SMYD3: variants seen among roughly 807,000 people sequenced by gnomAD.
SMYD3 encodes histone-lysine N-methyltransferase SMYD3.
SMYD3 carries 36 observed loss-of-function variants against 57.7 expected under a neutral mutation model. That is an observed-to-expected ratio of 0.62 (90% CI 0.48 to 0.82). The LOEUF (loss-of-function observed/expected upper bound fraction) is 0.82. SMYD3 is among the 40% of genes least tolerant of loss of function. SMYD3 has a pLI of 0.00. For missense variants in SMYD3, 515 were observed against 538.8 expected, an observed-to-expected ratio of 0.96 and a Z score of 0.44; for synonymous variants, 211 against 195.0, an observed-to-expected ratio of 1.08 and a Z score of -0.68.
intron 5 of SMYD3, among the ~76,000 whole-genome samples, chr1:246,018,439 C>T (rs561363088): frequency 7.6e-4 from 116 of 152,294 alleles, no homozygotes; most frequent in South Asian, 2.1e-3. Flanking sequence ...ACTTGCTCTG[C>T]CTCATCTCAT....
chr1:246,276,663 C>A (rs375007270), intron 5 of SMYD3, among the ~76,000 whole-genome samples: 2 of 129,346 alleles, frequency 1.5e-5, no homozygotes, highest in African/African-American at 5.9e-5. Context: ...CTGATGCCCA[C>A]GTTTGAATAC....
chr1:246,210,674 C>T (rs1006498684), intron 5 of SMYD3, among the ~76,000 whole-genome samples: 4 of 142,202 alleles, frequency 2.8e-5, no homozygotes, highest in African/African-American at 7.6e-5. Context: ...TGTGCCACTG[C>T]ACTCCAGCCT....
intron 5 of SMYD3, among the ~76,000 whole-genome samples, chr1:246,023,024 G>C (rs1340108751): frequency 2.0e-5 from 3 of 152,130 alleles, no homozygotes; most frequent in Non-Finnish European, 4.4e-5. Flanking sequence ...CATCAATAAA[G>C]TATACCACCG....
chr1:246,160,294 T>C (rs1235340373), intron 5 of SMYD3, among the ~76,000 whole-genome samples: 1 of 152,234 alleles, frequency 6.6e-6, no homozygotes, highest in Non-Finnish European at 1.5e-5. Flanking sequence ...ACTCTATGTC[T>C]TTCTTTGCCT....
intron 8 of SMYD3, among the ~76,000 whole-genome samples, chr1:245,912,763 A>G (rs2055091379): frequency 6.6e-6 from 1 of 152,212 alleles, no homozygotes; most frequent in South Asian, 2.1e-4. Flanking sequence ...GGGAAAGGAC[A>G]CCTCTTCAAT....
intron 5 of SMYD3, among the ~76,000 whole-genome samples, chr1:246,095,805 G>C (rs1342439122): frequency 6.6e-6 from 1 of 152,212 alleles, no homozygotes; most frequent in Non-Finnish European, 1.5e-5. Flanking sequence ...GAGCTCAGGA[G>C]CTTGAGGCTG....
chr1:246,319,854 AG>A (rs1191861796), intron 5 of SMYD3, among the ~76,000 whole-genome samples: 1 of 152,248 alleles, frequency 6.6e-6, no homozygotes, highest in African/African-American at 2.4e-5. Flanking sequence ...ACTGTTCACC[AG>A]AGGATGAAAA....
intron 5 of SMYD3, among the ~76,000 whole-genome samples, chr1:246,125,479 C>A (rs2061495907): frequency 6.6e-6 from 1 of 152,030 alleles, no homozygotes. Context: ...CCAGGTCTTT[C>A]AGATACCTCT....
intron 5 of SMYD3, among the ~76,000 whole-genome samples, chr1:246,163,130 ACT>A (rs1354304384): frequency 6.6e-6 from 1 of 152,120 alleles, no homozygotes; most frequent in Non-Finnish European, 1.5e-5. Flanking sequence ...ATTTATTGTG[ACT>A]CTTACACTCA....
intron 1 of SMYD3, among the ~76,000 whole-genome samples, chr1:246,450,657 C>T (rs1024855718): frequency 6.6e-6 from 1 of 152,148 alleles, no homozygotes; most frequent in Non-Finnish European, 1.5e-5. Flanking sequence ...AAAAAGGAAT[C>T]ATATTCGACA....
chr1:245,859,835 G>T (rs10924363), intron 9 of SMYD3, among the ~76,000 whole-genome samples: 84,493 of 152,106 alleles, frequency 0.56, 26,654 homozygotes, highest in Non-Finnish European at 0.73. Context: ...AGATCTAATC[G>T]AGTCCTGTCA....
Position 245,824,074 on chromosome 1 carries a change from G to A in SMYD3, c.1076+34422C>T, listed in dbSNP as rs547711178. On this transcript the variant is annotated intron_variant, in intron 10 of 11. Transcript: ENST00000490107. ...CCCCTACTCACGACTGGAGAGTTGT[G>A]GCTTCTGCCCCCTTCAGTCACAGCT... Among the ~76,000 whole-genome samples, 148 of 152,262 alleles carry A rather than the reference G, an allele frequency of 9.7e-4. 1 individual carries two copies. The highest frequency in any genetic ancestry group is 3.1e-3 in the African/African-American group (130 of 41,552).
At chr1:245,951,995 T>A (rs2057669360) in intron 5 of SMYD3, among the ~76,000 whole-genome samples, 1 of 152,170 alleles carries the variant, frequency 6.6e-6, no homozygotes, top group South Asian at 2.1e-4. Flanking sequence ...CATTTGCATA[T>A]GTGAGGTTTC....
At chr1:246,293,870 C>A (rs569030219) in intron 5 of SMYD3, among the ~76,000 whole-genome samples, 3 of 152,278 alleles carry the variant, frequency 2.0e-5, no homozygotes, top group African/African-American at 7.2e-5. Context: ...CTCTAAGGTG[C>A]TCTAGCAAAG....
intron 10 of SMYD3, among the ~76,000 whole-genome samples, chr1:245,782,067 TCA>T (rs1376061604): frequency 6.6e-6 from 1 of 152,170 alleles, no homozygotes; most frequent in Non-Finnish European, 1.5e-5. Context: ...CCCTCTCCTC[TCA>T]CAGTCTCTGA....
intron 10 of SMYD3, among the ~76,000 whole-genome samples, chr1:245,792,658 G>C (rs2047325307): frequency 6.6e-6 from 1 of 152,156 alleles, no homozygotes; most frequent in South Asian, 2.1e-4. Flanking sequence ...TGTAAGCTAG[G>C]ACTTCATTAA....
chr1:246,427,948 G>A (rs1459755812), intron 1 of SMYD3, among the ~76,000 whole-genome samples: 1 of 152,104 alleles, frequency 6.6e-6, no homozygotes, highest in Admixed American at 6.6e-5. Flanking sequence ...TATTACAGAG[G>A]AATTCCAAAT....
intron 5 of SMYD3, among the ~76,000 whole-genome samples, chr1:246,229,734 C>A (rs1407504133): frequency 6.6e-6 from 1 of 152,178 alleles, no homozygotes; most frequent in Non-Finnish European, 1.5e-5. Context: ...CCAATCCCAC[C>A]CATGAGGGTG....
chr1:246,470,634 A>G (rs2067948636), intron 1 of SMYD3, among the ~76,000 whole-genome samples: 1 of 151,102 alleles, frequency 6.6e-6, no homozygotes, highest in South Asian at 2.1e-4. Flanking sequence ...CACACTATAT[A>G]TATAGTGTAT....
Sources: gnomAD v4.1 joint callset for allele counts (sites outside exome capture counted in the v4.1 genomes callset) on GRCh38, gnomAD v4.1.1 for gene constraint, MANE v1.5 for transcripts, NCBI Gene and HGNC (gene_info 2026-07-23, HGNC 2026-07-21) for gene names.